UNC80: variants seen among roughly 807,000 people sequenced by gnomAD.
UNC80 encodes the protein protein unc-80 homolog.
A neutral mutation model predicts 384.6 loss-of-function variants in UNC80; 164 were observed. That is an observed-to-expected ratio of 0.43 (90% CI 0.38 to 0.49). The LOEUF is 0.49. Among genes scored for constraint, UNC80 ranks in the 20% least tolerant of loss-of-function variants. UNC80 has a pLI of 0.00. For missense variants in UNC80, 3,330 were observed against 4,143.0 expected (o/e 0.80, Z 5.39); for synonymous variants, 1,486 against 1,527.8 (o/e 0.97, Z 0.64).
chr2:209,826,169 A>G (rs1340289276), intron 14 of UNC80, 116 bp downstream of exon 14: 1 of 1,188,714 alleles, frequency 8.4e-7, no homozygotes, highest in Non-Finnish European at 1.1e-6. Context: ...TTTTGTAGGA[A>G]TAATTAATGC....
At position 209,914,649 on chromosome 2, in the gene UNC80, CTGTG is replaced by C. The variant is rs200222549; in HGVS notation, c.5029+739_5029+742del. On this transcript the variant is annotated intron_variant, in intron 31 of 64. Transcript: ENST00000673920. ...TTCTCAGGAATCCTTCTAGGGTAAA[CTGTG>C]TGTGTGTGTGTGTGTGTGTGTGTGT... Among the ~76,000 whole-genome samples, 214 of 128,458 alleles carry C rather than the reference CTGTG, an allele frequency of 1.7e-3. 1 individual carries two copies. The highest frequency in any genetic ancestry group is 4.6e-3 in the East Asian group (19 of 4,128). 84.3% of individuals were successfully genotyped at this position (128,458 alleles called of 152,430 possible).
Position 209,957,667 on chromosome 2 carries a change from G to A in UNC80, c.7481G>A (p.Ser2494Asn). ...LTRPMTAPQM[S>N]RCDQGHKGTT... ...AGGCCCATGACAGCCCCACAGATGA[G>A]CAGGTGTGACCAAGGTCATAAGGGA... Residue 2494 changes from serine to asparagine, a missense_variant, in exon 49 of 65, where the codon AGC becomes AAC. Coordinates refer to ENST00000673920, the MANE Select transcript of UNC80 (RefSeq NM_001371986.1). The A allele has an allele frequency of 6.4e-7, 1 of 1,551,450 alleles. No homozygotes were observed. The highest frequency in any genetic ancestry group is 1.2e-5 in the South Asian group (1 of 84,048).
At chr2:209,928,401 C>T (rs2090598629) in intron 36 of UNC80, among the ~76,000 whole-genome samples, 1 of 152,056 alleles carries the variant, frequency 6.6e-6, no homozygotes, top group South Asian at 2.1e-4. Flanking sequence ...ATGACATACT[C>T]CAAACTGTTA....
At chr2:209,964,097 C>G (rs1223287734) in intron 51 of UNC80, among the ~76,000 whole-genome samples, 1 of 152,142 alleles carries the variant, frequency 6.6e-6, no homozygotes, top group African/African-American at 2.4e-5. Flanking sequence ...GAGCTCTTAC[C>G]CTCTAGATCC....
intron 19 of UNC80, 86 bp from the exon 20 acceptor site, chr2:209,840,456 C>T (rs145999141): frequency 1.4e-5 from 16 of 1,112,570 alleles, no homozygotes; most frequent in African/African-American, 6.3e-5. Flanking sequence ...TAACTTTCAT[C>T]GCTTGTTGGG....
At position 209,921,486 on chromosome 2, in the gene UNC80, T is replaced by G; in HGVS notation, c.5344-14T>G. 1 of 1,540,442 alleles carries G rather than the reference T, an allele frequency of 6.5e-7. No homozygotes were observed. Among genetic ancestry groups the G allele is most frequent in the Non-Finnish European group, 8.8e-7 (1 of 1,142,766 alleles). ...GAATTGCTATTAAATGAACTTGCCT[T>G]TATGTCTCCACAGAAATCCTTTTCA... On this transcript the variant is annotated splice_polypyrimidine_tract_variant and intron_variant, in intron 33 of 64. Coordinates refer to ENST00000673920, the MANE Select transcript of UNC80 (RefSeq NM_001371986.1).
chr2:209,912,502 C>T, intron 29 of UNC80, 58 bp from the exon 30 acceptor site: 1 of 1,193,590 alleles, frequency 8.4e-7, no homozygotes, highest in Non-Finnish European at 1.2e-6. Flanking sequence ...GGACATATAG[C>T]ACTGTTGGGT....
intron 35 of UNC80, among the ~76,000 whole-genome samples, chr2:209,923,702 G>A (rs1178809283): frequency 6.6e-6 from 1 of 152,010 alleles, no homozygotes; most frequent in Non-Finnish European, 1.5e-5. Context: ...TTCACTTACA[G>A]TATACTTTGT....
intron 50 of UNC80, 124 bp downstream of exon 50, chr2:209,959,278 C>A (rs2092514756): frequency 1.6e-6 from 2 of 1,285,980 alleles, no homozygotes; most frequent in Non-Finnish European, 2.2e-6. Flanking sequence ...GGGTAAACCC[C>A]CAAAAGTGGG....
intron 14 of UNC80, among the ~76,000 whole-genome samples, chr2:209,828,044 TCA>T: frequency 6.6e-6 from 1 of 152,184 alleles, no homozygotes; most frequent in Middle Eastern, 3.2e-3. Context: ...CCCACTGAAC[TCA>T]TACAGATGAT....
chr2:209,902,769 A>G (rs1268037608), intron 28 of UNC80, among the ~76,000 whole-genome samples: 1 of 152,202 alleles, frequency 6.6e-6, no homozygotes, highest in Admixed American at 6.5e-5. Context: ...CTAATAGACT[A>G]TGGTATAGTG....
At chr2:209,937,078 G>C (rs550747195) in intron 41 of UNC80, 145 bp downstream of exon 41, 11 of 612,638 alleles carry the variant, frequency 1.8e-5, no homozygotes, top group Non-Finnish European at 2.9e-5. Context: ...TATCAATGGG[G>C]CTTTTGACTG....
intron 7 of UNC80, among the ~76,000 whole-genome samples, chr2:209,810,872 A>C (rs2079296933): frequency 6.6e-6 from 1 of 152,110 alleles, no homozygotes; most frequent in Non-Finnish European, 1.5e-5. Flanking sequence ...TGAGGACCTA[A>C]AATTACCCAG....
At chr2:209,781,267 G>A (rs2077143039) in intron 4 of UNC80, among the ~76,000 whole-genome samples, 1 of 152,094 alleles carries the variant, frequency 6.6e-6, no homozygotes, top group African/African-American at 2.4e-5. Context: ...CTACCCACAG[G>A]GATGTGTGTA....
At chr2:209,965,915 T>A (rs973316553) in intron 51 of UNC80, among the ~76,000 whole-genome samples, 2 of 151,682 alleles carry the variant, frequency 1.3e-5, no homozygotes, top group African/African-American at 4.9e-5. Flanking sequence ...TTCAGAGCTT[T>A]TCCAGTACAA....
intron 20 of UNC80, among the ~76,000 whole-genome samples, chr2:209,841,924 C>G (rs1032954054): frequency 6.6e-6 from 1 of 152,150 alleles, no homozygotes; most frequent in Non-Finnish European, 1.5e-5. Context: ...TTATAGTACA[C>G]TCTATAAATT....
rs2085998048 is a variant in UNC80 at position 209,888,121 on chromosome 2, G to A, written c.4137G>A (p.Leu1379=). The change falls in exon 26 of 65, where the codon TTG becomes TTA. Residue 1379 remains leucine, a synonymous_variant. Coordinates refer to ENST00000673920, the MANE Select transcript of UNC80 (RefSeq NM_001371986.1). Reference sequence around the variant, plus strand: ...ACTTGGAGAGCTGCAGACTTCGTTTGGATCCCGAGTTGGACCGGCACAGAT... The same window carrying A: ...ACTTGGAGAGCTGCAGACTTCGTTTAGATCCCGAGTTGGACCGGCACAGAT... ...LVDLESCRLR[L]DPELDRHRYE... is the part of the protein sequence containing the mutation. The A allele has an allele frequency of 6.4e-7, 1 of 1,551,656 alleles. No individual in the cohort carries two copies. Among genetic ancestry groups the A allele is most frequent in the Non-Finnish European group, 8.7e-7 (1 of 1,146,976 alleles).
rs1361743110 is a variant in UNC80, at chr2:209,976,043, A to G, written c.8588-76A>G. ...TTTAGAAAATTTCTAAAGGTGCATA[A>G]AGGGCTCTGGATGTAGGTTGGGTTC... is the stretch of plus-strand genomic sequence containing the variant. On this transcript the variant is annotated intron_variant, in intron 56 of 64. Coordinates refer to ENST00000673920, the MANE Select transcript of UNC80 (RefSeq NM_001371986.1). The surrounding 1 kb of genome is among the most constrained non-coding windows in gnomAD (Gnocchi z 4.3). 1 of 1,441,312 alleles carries G rather than the reference A, an allele frequency of 6.9e-7. No homozygotes were observed. The highest frequency in any genetic ancestry group is 9.2e-7 in the Non-Finnish European group (1 of 1,088,114). The allele number at this position is 1,441,312 out of a possible 1,614,324, so 89.3% of individuals were successfully genotyped here. A position where few individuals can be genotyped will look rare whatever the true frequency, so the allele number is the denominator to read the frequency against.
intron 61 of UNC80, among the ~76,000 whole-genome samples, chr2:209,989,078 C>T (rs1173190531): frequency 1.3e-5 from 2 of 150,856 alleles, no homozygotes; most frequent in Admixed American, 1.3e-4. Context: ...TTTGGGAGGC[C>T]GAGGCAGGCA....
Sources: gnomAD v4.1 joint callset for allele counts (sites outside exome capture counted in the v4.1 genomes callset) on GRCh38, gnomAD v4.1.1 for gene constraint, Gnocchi (gnomAD v3.1) non-coding constraint, MANE v1.5 for transcripts, NCBI Gene and HGNC (gene_info 2026-07-23, HGNC 2026-07-21) for gene names.